AMER1: variants seen among roughly 807,000 people sequenced by gnomAD.
The protein encoded by AMER1 is RP11-403E24.2.
A neutral mutation model predicts 53.0 loss-of-function variants in AMER1; 16 were observed. The observed-to-expected ratio is 0.30, with a 90% CI of 0.20 to 0.46. The LOEUF (loss-of-function observed/expected upper bound fraction) is 0.46. AMER1 is among the 20% of genes least tolerant of loss of function. The probability of loss-of-function intolerance (pLI) is 1.00; values close to 1 mark genes in which losing one functional copy is unlikely to be tolerated. For synonymous variants in AMER1, 354 were observed against 331.9 expected (o/e 1.07, Z -0.73); for missense variants, 947 against 884.9 (o/e 1.07, Z -0.89).
Position 64,186,852 on chromosome X carries a change from C to T in AMER1, c.*3027G>A, listed in dbSNP as rs1930121767. 4 of 771,371 alleles carry T rather than the reference C, an allele frequency of 5.2e-6. No individual in the cohort carries two copies. In the Admixed American group the frequency reaches 2.5e-4, roughly 49 times the overall value. 63.6% of individuals were successfully genotyped at this position (771,371 alleles called of 1,213,427 possible). On this transcript the variant is annotated 3_prime_UTR_variant, in exon 2 of 2. Coordinates refer to ENST00000374869, the MANE Select transcript of AMER1 (RefSeq NM_152424.4). ...CCTACTAGGTGGCCTTCTCTATCCA[C>T]ATTCACTGGTCCTCCAAGGACCAGT...
chrX:64,188,558 G>A lies in AMER1; in HGVS notation c.*1321C>T. ...ATTGGAAGATAAAAGCTCTTTAAAG[G>A]GCCCAGAACAGCAGCTGAGATGCCT... On this transcript the variant is annotated 3_prime_UTR_variant, in exon 2 of 2. Coordinates refer to ENST00000374869, the MANE Select transcript of AMER1 (RefSeq NM_152424.4). The A allele has an allele frequency of 2.5e-6, 2 of 804,189 alleles. No individual in the cohort carries two copies. Among genetic ancestry groups the A allele is most frequent in the African/African-American group, 4.3e-5 (2 of 46,135 alleles). The allele number at this position is 804,189 out of a possible 1,213,427, so 66.3% of individuals were successfully genotyped here.
At chrX:64,196,484 C>G (rs1212630352) in intron 1 of AMER1, among the ~76,000 whole-genome samples, 1 of 112,152 alleles carries the variant, frequency 8.9e-6, no homozygotes, top group Non-Finnish European at 1.9e-5. Context: ...ATCCCAGTTT[C>G]TTAGGAAGCA....
At position 64,190,918 on chromosome X, in the gene AMER1, G is replaced by C. The variant is rs1266270293; in HGVS notation, c.2369C>G (p.Ser790Cys). 8.3e-7 allele frequency: 1 copy of C among 1,211,418 alleles called. No individual in the cohort carries two copies. Among genetic ancestry groups the C allele is most frequent in the Non-Finnish European group, 1.1e-6 (1 of 895,385 alleles). Residue 790 changes from serine (S) to cysteine (C), a missense_variant, in exon 2 of 2, where the codon TCT (serine) becomes TGT (cysteine). Ser to Cys is a moderately radical substitution (Grantham distance 112). Transcript: ENST00000374869. ...TTGAGTGAAAGATGAGTCAGAGTCAGAGCTGCAGGACATGCTGGAAAAGAG... is the reference window on the plus strand; with the variant it reads ...TTGAGTGAAAGATGAGTCAGAGTCACAGCTGCAGGACATGCTGGAAAAGAG... ...GNLFSSMSCSSDSDSSFTQNL... is the reference protein window; with the variant it reads ...GNLFSSMSCSCDSDSSFTQNL...
At chrX:64,202,237 C>A (rs1930501982) in intron 1 of AMER1, among the ~76,000 whole-genome samples, 1 of 111,853 alleles carries the variant, frequency 8.9e-6, no homozygotes, top group South Asian at 3.8e-4. Flanking sequence ...TCAGTCCCAG[C>A]AAAGCTATAG....
At position 64,187,967 on chromosome X, in the gene AMER1, T is replaced by C; in HGVS notation, c.*1912A>G. ...AGTGGTGGTGTTAGTGCCATGCAAA[T>C]TCATGTGGTGCTTCCAGGGGTGCAG... On this transcript the variant is annotated 3_prime_UTR_variant, in exon 2 of 2. Transcript: ENST00000374869. 1 of 780,294 alleles carries C rather than the reference T, an allele frequency of 1.3e-6. No homozygotes were observed. The highest frequency in any genetic ancestry group is 1.5e-6 in the Non-Finnish European group (1 of 654,807). 64.3% of individuals were successfully genotyped at this position (780,294 alleles called of 1,213,427 possible).
chrX:64,192,762 A>G lies in AMER1; in HGVS notation c.525T>C (p.Ser175=), dbSNP rs772408803. The change falls in exon 2 of 2, where the codon AGT becomes AGC. Residue 175 remains serine, a synonymous_variant. Transcript: ENST00000374869. ...PKKGLKGFFS[S]IRRHRKSKVT... ...CCTTGCTCTTCCGGTGACGGCGGAT[A>G]CTGCTAAAAAAGCCTTTTAGGCCTT... The G allele has an allele frequency of 3.3e-6, 4 of 1,208,952 alleles. No individual in the cohort carries two copies. The Admixed American group carries it at 8.8e-5, about 27-fold the overall frequency.
chrX:64,186,428 G>T lies in AMER1; in HGVS notation c.*3451C>A, dbSNP rs958245708. 36 of 632,176 alleles carry T rather than the reference G, an allele frequency of 5.7e-5. No individual in the cohort carries two copies. The African/African-American group carries it at 6.9e-4, about 12-fold the overall frequency. The allele number at this position is 632,176 out of a possible 1,213,427, so 52.1% of individuals were successfully genotyped here. On this transcript the variant is annotated 3_prime_UTR_variant, in exon 2 of 2. Coordinates refer to ENST00000374869, the MANE Select transcript of AMER1 (RefSeq NM_152424.4). ...ATATAAAAATAGATAATTGACTTTT[G>T]ATATATATATATATATATATTAAAA...
chrX:64,198,663 T>G, intron 1 of AMER1, among the ~76,000 whole-genome samples: 1 of 111,590 alleles, frequency 9.0e-6, no homozygotes, highest in Admixed American at 9.5e-5. Context: ...TAAGCCTTCT[T>G]TGCCACATTT....
At chrX:64,197,098 C>G (rs1174631024) in intron 1 of AMER1, among the ~76,000 whole-genome samples, 1 of 112,669 alleles carries the variant, frequency 8.9e-6, no homozygotes, top group African/African-American at 3.2e-5. Flanking sequence ...CTGCAGATCC[C>G]CTAGGCTGGG....
At position 64,189,795 on chromosome X, in the gene AMER1, C is replaced by CCCCCCCCCCCCCCCCCCCCTT; in HGVS notation, c.*83_*84insAAGGGGGGGGGGGGGGGGGGG. The CCCCCCCCCCCCCCCCCCCCTT allele has an allele frequency of 6.5e-6, 1 of 154,269 alleles. No individual in the cohort carries two copies. The allele number at this position is 154,269 out of a possible 1,213,427, so 12.7% of individuals were successfully genotyped here. On this transcript the variant is annotated 3_prime_UTR_variant, in exon 2 of 2. Coordinates refer to ENST00000374869, the MANE Select transcript of AMER1 (RefSeq NM_152424.4). ...AAGGGTTTTCAAGTTAAACAACAAC[C>CCCCCCCCCCCCCCCCCCCCTT]CCCACCCCCCCACCCTTCTGCCCAA...
Position 64,192,581 on chromosome X carries a change from C to A in AMER1, c.706G>T (p.Gly236Trp), listed in dbSNP as rs1322854723. 1 of 1,193,720 alleles carries A rather than the reference C, an allele frequency of 8.4e-7. No individual in the cohort carries two copies. The highest frequency in any genetic ancestry group is 1.9e-5 in the South Asian group (1 of 52,737). The stretch of plus-strand genomic sequence containing the variant: ...TCTGGTGTTGGAGAAACTTTTGGCC[C>A]AGGGGCATCTTGGGGGTTAGCATTT... ...KENANPQDAP[G>W]PKVSPTPEPS... The change falls in exon 2 of 2, where the codon GGG (glycine) becomes TGG (tryptophan). Residue 236 changes from glycine to tryptophan, a missense_variant. Gly to Trp is a radical substitution (Grantham distance 184, BLOSUM62 -2). Transcript: ENST00000374869.
Position 64,189,793 on chromosome X carries a change from A to ACGGGGGGCCCCCC in AMER1, c.*85_*86insGGGGGGCCCCCCG. 6.8e-6 allele frequency: 2 copies of ACGGGGGGCCCCCC among 292,068 alleles called. No individual in the cohort carries two copies. The highest frequency in any genetic ancestry group is 9.8e-6 in the Non-Finnish European group (2 of 204,826). The allele number at this position is 292,068 out of a possible 1,213,427, so 24.1% of individuals were successfully genotyped here. ...CAAAGGGTTTTCAAGTTAAACAACAACCCCCACCCCCCCACCCTTCTGCCC... is the reference window on the plus strand; with the variant it reads ...CAAAGGGTTTTCAAGTTAAACAACAACGGGGGGCCCCCCCCCCCACCCCCCCACCCTTCTGCCC... On this transcript the variant is annotated 3_prime_UTR_variant, in exon 2 of 2. Coordinates refer to ENST00000374869, the MANE Select transcript of AMER1 (RefSeq NM_152424.4).
At position 64,190,885 on chromosome X, in the gene AMER1, G is replaced by A. The variant is rs2147086190; in HGVS notation, c.2402C>T (p.Pro801Leu). ...AAAGGTCACCATGGGAGGCAGCTCAGGGAGGTTTTGAGTGAAAGATGAGTC... is the reference window on the plus strand; with the variant it reads ...AAAGGTCACCATGGGAGGCAGCTCAAGGAGGTTTTGAGTGAAAGATGAGTC... ...DSDSSFTQNL[P>L]ELPPMVTFDI... The change falls in exon 2 of 2, where the codon CCT (proline) becomes CTT (leucine). Residue 801 changes from proline (P) to leucine (L), a missense_variant. Pro to Leu is a moderately conservative substitution (Grantham distance 98). Coordinates refer to ENST00000374869, the MANE Select transcript of AMER1 (RefSeq NM_152424.4). 8.3e-7 allele frequency: 1 copy of A among 1,211,785 alleles called. No individual in the cohort carries two copies. The highest frequency in any genetic ancestry group is 3.0e-5 in the East Asian group (1 of 33,834).
At position 64,188,020 on chromosome X, in the gene AMER1, G is replaced by C; in HGVS notation, c.*1859C>G. The stretch of plus-strand genomic sequence containing the variant: ...TCTACCAGCCAGGTCTGCTATTTGT[G>C]AGTAAGGGCACTGGGCCAACCCCAA... On this transcript the variant is annotated 3_prime_UTR_variant, in exon 2 of 2. Coordinates refer to ENST00000374869, the MANE Select transcript of AMER1 (RefSeq NM_152424.4). 1 of 782,008 alleles carries C rather than the reference G, an allele frequency of 1.3e-6. No homozygotes were observed. The highest frequency in any genetic ancestry group is 1.5e-6 in the Non-Finnish European group (1 of 655,743). 64.4% of individuals were successfully genotyped at this position (782,008 alleles called of 1,213,427 possible). A position where few individuals can be genotyped will look rare whatever the true frequency, so the allele number is the denominator to read the frequency against.
Position 64,189,794 on chromosome X carries a change from C to CCGGG in AMER1, c.*84_*85insCCCG. 6 of 301,638 alleles carry CCGGG rather than the reference C, an allele frequency of 2.0e-5. No individual in the cohort carries two copies. The highest frequency in any genetic ancestry group is 2.0e-4 in the East Asian group (1 of 4,949). The allele number at this position is 301,638 out of a possible 1,213,427, so 24.9% of individuals were successfully genotyped here. A position where few individuals can be genotyped will look rare whatever the true frequency, so the allele number is the denominator to read the frequency against. On this transcript the variant is annotated 3_prime_UTR_variant, in exon 2 of 2. Coordinates refer to ENST00000374869, the MANE Select transcript of AMER1 (RefSeq NM_152424.4). The stretch of plus-strand genomic sequence containing the variant: ...AAAGGGTTTTCAAGTTAAACAACAA[C>CCGGG]CCCCACCCCCCCACCCTTCTGCCCA...
chrX:64,196,809 C>A (rs766779246), intron 1 of AMER1, among the ~76,000 whole-genome samples: 5 of 111,580 alleles, frequency 4.5e-5, no homozygotes, highest in African/African-American at 1.3e-4. Flanking sequence ...GTTCTCTCTC[C>A]CAGAGCCATG....
At position 64,190,255 on chromosome X, in the gene AMER1, C is replaced by T. The variant is rs1930213500; in HGVS notation, c.3032G>A (p.Arg1011Lys). The stretch of plus-strand genomic sequence containing the variant: ...TTGAGGCCCAGATTCCCCAGGTGCC[C>T]TTGACTCTGGCACTGATAGTGATAT... ...MSISLSVPES[R>K]APGESGPQLA... is the part of the protein sequence containing the mutation. Residue 1011 changes from arginine (R) to lysine (K), a missense_variant, in exon 2 of 2, where the codon AGG becomes AAG. Physicochemically the swap from Arg to Lys is conservative, Grantham distance 26 (BLOSUM62 2). Transcript: ENST00000374869. 1 of 1,210,537 alleles carries T rather than the reference C, an allele frequency of 8.3e-7. No individual in the cohort carries two copies. The highest frequency in any genetic ancestry group is 2.2e-5 in the Admixed American group (1 of 45,972).
At chrX:64,197,456 T>C (rs1432592520) in intron 1 of AMER1, among the ~76,000 whole-genome samples, 1 of 112,936 alleles carries the variant, frequency 8.9e-6, no homozygotes, top group Non-Finnish European at 1.9e-5. Context: ...CTAGAGACCC[T>C]TCTCAAGGAG....
In AMER1 at chrX:64,192,700, C is replaced by A. The variant is rs2147090235; in HGVS notation, c.587G>T (p.Gly196Val). The stretch of plus-strand genomic sequence containing the variant: ...AGGCCTGGCTCTGACCCTCTCAGGC[C>A]CCTTGGCCCCTGGCTCACTTTGCTC... ...GAEQSEPGAK[G>V]PERVRARPHE... The change falls in exon 2 of 2, where the codon GGG (glycine) becomes GTG (valine). Residue 196 changes from glycine to valine, a missense_variant. Transcript: ENST00000374869. 2.5e-6 allele frequency: 3 copies of A among 1,181,390 alleles called. No homozygotes were observed. The highest frequency in any genetic ancestry group is 2.0e-5 in the South Asian group (1 of 51,152).
Sources: gnomAD v4.1 joint callset for allele counts (sites outside exome capture counted in the v4.1 genomes callset) on GRCh38, gnomAD v4.1.1 for gene constraint, MANE v1.5 for transcripts, NCBI Gene and HGNC (gene_info 2026-07-23, HGNC 2026-07-21) for gene names.